The following TEAD1 variants were observed in gnomAD, a reference collection of about 807,000 sequenced individuals.
The protein encoded by TEAD1 is transcriptional enhancer factor TEF-1.
TEAD1 carries 9 observed loss-of-function variants against 54.9 expected under a neutral mutation model. The observed-to-expected ratio is 0.16, with a 90% CI of 0.10 to 0.29. The LOEUF is 0.29. Among genes scored for constraint, TEAD1 ranks in the 10% least tolerant of loss-of-function variants. The pLI is 1.00. For synonymous variants in TEAD1, 200 were observed against 187.8 expected (o/e 1.07, Z -0.53); for missense variants, 387 against 535.9 (o/e 0.72, Z 2.74).
intron 2 of TEAD1, among the ~76,000 whole-genome samples, chr11:12,757,379 A>G (rs1464106952): frequency 1.3e-5 from 2 of 152,214 alleles, no homozygotes; most frequent in Non-Finnish European, 2.9e-5. Flanking sequence ...GGAAAGGGAA[A>G]TGGAGAAGGT....
At chr11:12,851,124 G>A (rs1947264845) in intron 3 of TEAD1, 4 of 976,148 alleles carry the variant, frequency 4.1e-6, no homozygotes, top group Non-Finnish European at 4.9e-6. Context: ...TTTATTGAGC[G>A]AGACACGGAA....
intron 9 of TEAD1, among the ~76,000 whole-genome samples, chr11:12,897,686 CAG>C (rs2134122733): frequency 6.6e-6 from 1 of 152,312 alleles, no homozygotes; most frequent in African/African-American, 2.4e-5. Flanking sequence ...GCCTTGAACA[CAG>C]AGGTAAATTC....
chr11:12,868,722 G>A (rs926392674), intron 5 of TEAD1, among the ~76,000 whole-genome samples: 1 of 152,202 alleles, frequency 6.6e-6, no homozygotes, highest in African/African-American at 2.4e-5. Flanking sequence ...GAAAAGCATA[G>A]GAATGATTAC....
chr11:12,881,541 C>CT (rs1237549347), intron 7 of TEAD1, among the ~76,000 whole-genome samples: 1 of 152,144 alleles, frequency 6.6e-6, no homozygotes, highest in African/African-American at 2.4e-5. Flanking sequence ...TAAAAAAAAA[C>CT]TTGCATTGTT....
Position 12,748,023 on chromosome 11 carries a change from G to A in TEAD1, c.-54-16156G>A, listed in dbSNP as rs57208592. On this transcript the variant is annotated intron_variant, in intron 2 of 12. Transcript: ENST00000527636. ...GTTGCCCAGGCTGGAGTGCAGTGGC[G>A]CGATCCTGGCTCACTGCAACCTCCA... is the stretch of plus-strand genomic sequence containing the variant. Among the ~76,000 whole-genome samples, 940 of 151,312 alleles carry A rather than the reference G, an allele frequency of 6.2e-3. 8 individuals carry two copies. Among genetic ancestry groups the A allele is most frequent in the African/African-American group, 0.021 (854 of 41,152 alleles).
At chr11:12,897,507 G>A (rs182147631) in intron 9 of TEAD1, among the ~76,000 whole-genome samples, 1 of 152,270 alleles carries the variant, frequency 6.6e-6, no homozygotes, top group African/African-American at 2.4e-5. Context: ...GGTCTCCAGG[G>A]CACCTTCTGT....
At chr11:12,930,528 T>C (rs1948993885) in intron 12 of TEAD1, among the ~76,000 whole-genome samples, 1 of 152,002 alleles carries the variant, frequency 6.6e-6, no homozygotes, top group Non-Finnish European at 1.5e-5. Flanking sequence ...AGAGAAGGGG[T>C]TTTATCTGGC....
intron 2 of TEAD1, among the ~76,000 whole-genome samples, chr11:12,698,429 TGCAGTATTCAGAGCACAGGCA>T: frequency 6.6e-6 from 1 of 152,158 alleles, no homozygotes; most frequent in South Asian, 2.1e-4. Context: ...TGGGTCTCTC[TGCAGTATTCAGAGCACAGGCA>T]GAGCAGGAAG....
intron 2 of TEAD1, among the ~76,000 whole-genome samples, chr11:12,759,332 A>G (rs1363144884): frequency 6.6e-6 from 1 of 151,768 alleles, no homozygotes; most frequent in African/African-American, 2.4e-5. Context: ...TACACATGTG[A>G]TATCTCCACT....
chr11:12,737,220 C>G (rs3890065), intron 2 of TEAD1, among the ~76,000 whole-genome samples: 69,615 of 151,042 alleles, frequency 0.46, 16,902 homozygotes, highest in African/African-American at 0.62. Flanking sequence ...TTACCTAGCC[C>G]AAGTTAAAAC....
intron 6 of TEAD1, among the ~76,000 whole-genome samples, 182 bp from the exon 7 acceptor site, chr11:12,880,823 G>A (rs1008279365): frequency 3.9e-5 from 6 of 152,208 alleles, no homozygotes; most frequent in Admixed American, 1.3e-4. Context: ...GCTCTGGGTT[G>A]CCAGTCCAAG....
At chr11:12,822,892 T>C (rs1447431017) in intron 3 of TEAD1, among the ~76,000 whole-genome samples, 1 of 152,350 alleles carries the variant, frequency 6.6e-6, no homozygotes, top group African/African-American at 2.4e-5. Context: ...TTGGAGCATG[T>C]CCTGATTACA....
chr11:12,921,538 C>A (rs1448400253), intron 10 of TEAD1, among the ~76,000 whole-genome samples: 42 of 130,778 alleles, frequency 3.2e-4, no homozygotes, highest in African/African-American at 3.5e-4. Context: ...AACTCCATCT[C>A]AAAAAAAAAA....
At chr11:12,794,295 C>G (rs981074569) in intron 3 of TEAD1, among the ~76,000 whole-genome samples, 1 of 152,214 alleles carries the variant, frequency 6.6e-6, no homozygotes, top group African/African-American at 2.4e-5. Context: ...TCATGTTCAT[C>G]TCTATCCTCA....
intron 2 of TEAD1, among the ~76,000 whole-genome samples, chr11:12,678,429 CTTATT>C (rs1943143721): frequency 1.3e-5 from 2 of 152,254 alleles, no homozygotes; most frequent in South Asian, 2.1e-4. Flanking sequence ...GGTGCTTTTT[CTTATT>C]TTATAATAAG....
At chr11:12,930,412 G>A in intron 12 of TEAD1, 86 bp downstream of exon 12, 1 of 1,542,240 alleles carries the variant, frequency 6.5e-7, no homozygotes, top group Admixed American at 1.7e-5. Flanking sequence ...GAGGCGCTGG[G>A]CCTGCGCCGA....
chr11:12,718,019 G>A (rs1944101572), intron 2 of TEAD1, among the ~76,000 whole-genome samples: 1 of 152,206 alleles, frequency 6.6e-6, no homozygotes, highest in South Asian at 2.1e-4. Context: ...CTTTCTTGTG[G>A]TTGTGGTGGT....
chr11:12,709,858 G>A (rs1943897347), intron 2 of TEAD1, among the ~76,000 whole-genome samples: 1 of 152,048 alleles, frequency 6.6e-6, no homozygotes, highest in Non-Finnish European at 1.5e-5. Flanking sequence ...AAGCTGATCA[G>A]CATGGGCCCC....
intron 9 of TEAD1, among the ~76,000 whole-genome samples, chr11:12,887,623 T>C (rs779646038): frequency 7.2e-5 from 11 of 152,238 alleles, no homozygotes; most frequent in Middle Eastern, 3.2e-3. Context: ...ATAATGGTAC[T>C]TCAGGGCTAA....
Sources: allele counts gnomAD v4.1 joint callset (sites outside exome capture counted in the v4.1 genomes callset), GRCh38; gene constraint gnomAD v4.1.1; transcripts MANE v1.5; gene names NCBI Gene and HGNC (gene_info 2026-07-23, HGNC 2026-07-21).